The following CCBE1 variants were observed in gnomAD, a reference collection of about 807,000 sequenced individuals.
CCBE1 encodes collagen and calcium binding EGF domains 1.
CCBE1 carries 37 observed loss-of-function variants against 50.0 expected under a neutral mutation model. The observed-to-expected ratio is 0.74, with a 90% CI of 0.57 to 0.97. The LOEUF (loss-of-function observed/expected upper bound fraction) is 0.97, where lower values mean the gene tolerates loss of function less well. Among genes scored for constraint, CCBE1 ranks in the 50% least tolerant of loss-of-function variants. CCBE1 has a pLI of 0.00. For synonymous variants in CCBE1, 234 were observed against 203.7 expected (o/e 1.15, Z -1.27); for missense variants, 538 against 523.8 (o/e 1.03, Z -0.26).
At chr18:59,550,007 C>G (rs1915855629) in intron 2 of CCBE1, among the ~76,000 whole-genome samples, 1 of 152,190 alleles carries the variant, frequency 6.6e-6, no homozygotes, top group South Asian at 2.1e-4. Context: ...AGCCAACGGG[C>G]AAGGACATTA....
At chr18:59,477,142 G>A (rs985853906) in intron 3 of CCBE1, among the ~76,000 whole-genome samples, 1 of 152,228 alleles carries the variant, frequency 6.6e-6, no homozygotes, top group African/African-American at 2.4e-5. Context: ...GGGAGTTATT[G>A]TTCTAGCTGG....
At chr18:59,472,714 G>C (rs1912092387) in intron 3 of CCBE1, among the ~76,000 whole-genome samples, 2 of 152,188 alleles carry the variant, frequency 1.3e-5, no homozygotes, top group Non-Finnish European at 2.9e-5. Flanking sequence ...TCTTTTGTTG[G>C]ATTCCTGTTT....
chr18:59,623,850 AAC>A lies in CCBE1; in HGVS notation c.212+72777_212+72778del, dbSNP rs1491016278. Among the ~76,000 whole-genome samples, 5 of 152,332 alleles carry A rather than the reference AAC, an allele frequency of 3.3e-5. No individual in the cohort carries two copies. In the East Asian group the frequency reaches 5.8e-4, roughly 18 times the overall value. On this transcript the variant is annotated intron_variant, in intron 2 of 10. Coordinates refer to ENST00000439986, the MANE Select transcript of CCBE1 (RefSeq NM_133459.4). Reference sequence around the variant, plus strand: ...GGAATGCCTGGTTTTGCAATAAAAAAACACAAGCTGAAAATAGAAAAAGAAAG... The same window carrying A: ...GGAATGCCTGGTTTTGCAATAAAAAAACAAGCTGAAAATAGAAAAAGAAAG...
At chr18:59,692,212 C>T (rs1218690116) in intron 2 of CCBE1, among the ~76,000 whole-genome samples, 1 of 152,182 alleles carries the variant, frequency 6.6e-6, no homozygotes, top group Non-Finnish European at 1.5e-5. Context: ...GCAGACTTGG[C>T]AAGATGTAGT....
intron 2 of CCBE1, among the ~76,000 whole-genome samples, chr18:59,531,333 C>T (rs1915040623): frequency 6.6e-6 from 1 of 152,092 alleles, no homozygotes; most frequent in East Asian, 1.9e-4. Flanking sequence ...ACCAAATTTA[C>T]TTTCAACCAC....
At chr18:59,514,220 A>G (rs1461716685) in intron 2 of CCBE1, among the ~76,000 whole-genome samples, 2 of 152,210 alleles carry the variant, frequency 1.3e-5, no homozygotes, top group East Asian at 3.8e-4. Flanking sequence ...TACCGATACG[A>G]AAATTGAGGC....
intron 2 of CCBE1, among the ~76,000 whole-genome samples, chr18:59,600,303 C>T (rs900161674): frequency 2.6e-5 from 4 of 151,872 alleles, no homozygotes; most frequent in Non-Finnish European, 4.4e-5. Flanking sequence ...GAATCTAATG[C>T]ATGGTGATCT....
At chr18:59,485,718 CT>C (rs1290829773) in intron 2 of CCBE1, among the ~76,000 whole-genome samples, 1 of 151,928 alleles carries the variant, frequency 6.6e-6, no homozygotes, top group Non-Finnish European at 1.5e-5. Flanking sequence ...ACAAGCGATT[CT>C]CCTGCATCAG....
rs183002621 is a variant in CCBE1, at chr18:59,656,417, G to C, written c.212+40212C>G. Reference sequence around the variant, plus strand: ...TTGAGTTTTATTAAATCTTAGGAGAGCAACTATTCAAACAATGAATTATTT... The same window carrying C: ...TTGAGTTTTATTAAATCTTAGGAGACCAACTATTCAAACAATGAATTATTT... On this transcript the variant is annotated intron_variant, in intron 2 of 10. Coordinates refer to ENST00000439986, the MANE Select transcript of CCBE1 (RefSeq NM_133459.4). Among the ~76,000 whole-genome samples the C allele has an allele frequency of 1.8e-3, 270 of 152,324 alleles. 3 individuals are homozygous for C. Among genetic ancestry groups the C allele is most frequent in the African/African-American group, 6.2e-3 (259 of 41,570 alleles).
intron 2 of CCBE1, among the ~76,000 whole-genome samples, chr18:59,600,840 C>A (rs2053418714): frequency 6.6e-6 from 1 of 152,008 alleles, no homozygotes; most frequent in Non-Finnish European, 1.5e-5. Flanking sequence ...AGCCTTGGAA[C>A]CAATCTTCCT....
chr18:59,504,243 C>T (rs1913763153), intron 2 of CCBE1, among the ~76,000 whole-genome samples: 1 of 152,142 alleles, frequency 6.6e-6, no homozygotes, highest in African/African-American at 2.4e-5. Context: ...TGATAATCCC[C>T]AAGAAAATAG....
At chr18:59,679,187 A>T (rs1199244323) in intron 2 of CCBE1, among the ~76,000 whole-genome samples, 2 of 152,192 alleles carry the variant, frequency 1.3e-5, no homozygotes, top group Non-Finnish European at 2.9e-5. Flanking sequence ...ACAACTCACC[A>T]TTCTAGTGGA....
At chr18:59,485,644 T>C (rs8089537) in intron 2 of CCBE1, among the ~76,000 whole-genome samples, 47,017 of 150,412 alleles carry the variant, frequency 0.31, 7,835 homozygotes, top group African/African-American at 0.42. Context: ...GGAGCATTGC[T>C]CTGTTGCACA....
chr18:59,539,753 TC>T (rs1450238360), intron 2 of CCBE1, among the ~76,000 whole-genome samples: 1 of 152,188 alleles, frequency 6.6e-6, no homozygotes, highest in Non-Finnish European at 1.5e-5. Flanking sequence ...ATTCCTTTTC[TC>T]CCAAAATTTA....
chr18:59,617,407 C>A (rs1270131856), intron 2 of CCBE1, among the ~76,000 whole-genome samples: 1 of 152,210 alleles, frequency 6.6e-6, no homozygotes, highest in Non-Finnish European at 1.5e-5. Context: ...ATCAGCCCAG[C>A]CTACGGCAAA....
chr18:59,612,808 C>A (rs930726495), intron 2 of CCBE1, among the ~76,000 whole-genome samples: 2 of 143,598 alleles, frequency 1.4e-5, no homozygotes, highest in Non-Finnish European at 3.0e-5. Flanking sequence ...CTCAGCCAAT[C>A]TCAAGGGTTT....
intron 2 of CCBE1, among the ~76,000 whole-genome samples, chr18:59,529,934 A>G (rs1420729543): frequency 6.6e-6 from 1 of 152,192 alleles, no homozygotes; most frequent in Non-Finnish European, 1.5e-5. Context: ...TGAAGTTCTC[A>G]GACATTAGCA....
intron 2 of CCBE1, among the ~76,000 whole-genome samples, chr18:59,572,488 A>C (rs868352668): frequency 3.3e-5 from 5 of 152,238 alleles, no homozygotes; most frequent in African/African-American, 1.2e-4. Flanking sequence ...TGATATGATC[A>C]TGCTTCCAAA....
chr18:59,635,604 G>A (rs2053905207), intron 2 of CCBE1, among the ~76,000 whole-genome samples: 1 of 152,134 alleles, frequency 6.6e-6, no homozygotes, highest in Non-Finnish European at 1.5e-5. Flanking sequence ...AAAATACTGT[G>A]TTATTCAGGA....
Sources: allele counts gnomAD v4.1 joint callset (sites outside exome capture counted in the v4.1 genomes callset), GRCh38; gene constraint gnomAD v4.1.1; transcripts MANE v1.5; gene names NCBI Gene and HGNC (gene_info 2026-07-23, HGNC 2026-07-21).